AGMO: variants seen among roughly 807,000 people sequenced by gnomAD.
AGMO encodes the protein alkylglycerol monooxygenase, also known as glyceryl-ether monooxygenase.
AGMO carries 75 observed loss-of-function variants against 60.2 expected under a neutral mutation model. The observed-to-expected ratio is 1.25, with a 90% CI of 1.03 to 1.51. The LOEUF is 1.51. Ranked by LOEUF, AGMO falls within the 40% of genes most tolerant of loss-of-function variation. AGMO has a pLI of 0.00. For synonymous variants in AGMO, 261 were observed against 177.1 expected (o/e 1.47, Z -3.76); for missense variants, 763 against 525.5 (o/e 1.45, Z -4.42).
intron 3 of AGMO, among the ~76,000 whole-genome samples, chr7:15,514,688 T>C (rs1299116737): frequency 2.6e-5 from 4 of 152,250 alleles, no homozygotes; most frequent in Non-Finnish European, 5.9e-5. Flanking sequence ...TATGCATAAC[T>C]ACTTAATGTC....
At chr7:15,414,189 T>G (rs10479950) in intron 5 of AGMO, among the ~76,000 whole-genome samples, 1 of 151,348 alleles carries the variant, frequency 6.6e-6, no homozygotes, top group African/African-American at 2.4e-5. Context: ...TTTGTAGAGA[T>G]GGGGTTTCAT....
At chr7:15,252,550 A>C (rs1307568863) in intron 12 of AGMO, among the ~76,000 whole-genome samples, 1 of 152,104 alleles carries the variant, frequency 6.6e-6, no homozygotes, top group African/African-American at 2.4e-5. Context: ...AGAGGCTCTC[A>C]CTCTAATCCT....
chr7:15,441,918 CT>C (rs1189380836), intron 3 of AGMO, among the ~76,000 whole-genome samples: 4 of 152,176 alleles, frequency 2.6e-5, no homozygotes, highest in African/African-American at 9.6e-5. Flanking sequence ...TATATTACCC[CT>C]GTCAACAAAA....
intron 12 of AGMO, 117 bp downstream of exon 12, chr7:15,365,397 A>AAAAAAAAAAAAAAAAAAAAATAT: frequency 2.1e-6 from 1 of 486,326 alleles, no homozygotes. Flanking sequence ...AAAAAAAAAG[A>AAAAAAAAAAAAAAAAAAAAATAT]TCAAGATTTC....
chr7:15,448,611 A>ATTTTTTTTTTTTTTTTTTTTTTTTTTTT (rs11330514), intron 3 of AGMO, among the ~76,000 whole-genome samples: 1 of 131,164 alleles, frequency 7.6e-6, no homozygotes, highest in Non-Finnish European at 1.7e-5. Flanking sequence ...ATAAAGTTTA[A>ATTTTTTTTTTTTTTTTTTTTTTTTTTTT]TTTTTTTTTT....
At chr7:15,403,126 G>C (rs1784598372) in intron 5 of AGMO, among the ~76,000 whole-genome samples, 1 of 151,870 alleles carries the variant, frequency 6.6e-6, no homozygotes, top group African/African-American at 2.4e-5. Context: ...TCGCAGTAGA[G>C]ATATTTGAAT....
the AGMO span, among the ~76,000 whole-genome samples, chr7:15,177,432 C>T: frequency 3.3e-5 from 5 of 152,054 alleles, no homozygotes; most frequent in African/African-American, 7.2e-5. Context: ...GAAGCAAATG[C>T]TCTTGCTGTT....
At chr7:15,188,107 G>A in the AGMO span, among the ~76,000 whole-genome samples, 1 of 152,092 alleles carries the variant, frequency 6.6e-6, no homozygotes, top group African/African-American at 2.4e-5. Flanking sequence ...TGGCCACTTG[G>A]GTAGACTGGT....
chr7:15,324,018 G>T (rs1401706350), intron 12 of AGMO, among the ~76,000 whole-genome samples: 1 of 152,162 alleles, frequency 6.6e-6, no homozygotes, highest in African/African-American at 2.4e-5. Flanking sequence ...GTATTAAAGT[G>T]CATATTTATG....
chr7:15,551,402 T>A (rs1315170709), intron 2 of AGMO, among the ~76,000 whole-genome samples: 1 of 149,108 alleles, frequency 6.7e-6, no homozygotes, highest in Non-Finnish European at 1.5e-5. Flanking sequence ...ACGACATGAT[T>A]GTATATCTAG....
chr7:15,207,709 C>T lies in AGMO; in HGVS notation c.1264-6350G>A, dbSNP rs943327614. ...CAACACTTTGGGAGACCAAGGTGGG[C>T]AGATCACGAGGTCAGGAGATCGAGA... On this transcript the variant is annotated intron_variant, in intron 12 of 12. Coordinates refer to ENST00000342526, the MANE Select transcript of AGMO (RefSeq NM_001004320.2). Among the ~76,000 whole-genome samples the T allele has an allele frequency of 5.9e-5, 9 of 152,214 alleles. No homozygotes were observed. In the East Asian group the frequency reaches 1.7e-3, roughly 29 times the overall value.
At chr7:15,447,691 C>G (rs932375281) in intron 3 of AGMO, among the ~76,000 whole-genome samples, 1 of 152,080 alleles carries the variant, frequency 6.6e-6, no homozygotes, top group Admixed American at 6.5e-5. Flanking sequence ...GCTGGGACTA[C>G]AGACACACGC....
intron 6 of AGMO, among the ~76,000 whole-genome samples, 197 bp from the exon 7 acceptor site, chr7:15,391,102 A>T (rs1469986987): frequency 1.3e-5 from 2 of 152,104 alleles, no homozygotes; most frequent in African/African-American, 4.8e-5. Context: ...TAATTATACT[A>T]AAAAGGGGAA....
At chr7:15,325,028 A>G (rs186836912) in intron 12 of AGMO, among the ~76,000 whole-genome samples, 1 of 152,346 alleles carries the variant, frequency 6.6e-6, no homozygotes, top group Admixed American at 6.5e-5. Flanking sequence ...TAAAAAATTC[A>G]AATACCTAAC....
chr7:15,532,311 A>T (rs1330605640), intron 3 of AGMO, among the ~76,000 whole-genome samples: 3 of 152,328 alleles, frequency 2.0e-5, no homozygotes, highest in Non-Finnish European at 2.9e-5. Flanking sequence ...TAGTAGGGTC[A>T]AGAAACGGCA....
rs188585249 is a variant in AGMO at position 15,310,241 on chromosome 7, A to T, written c.1263+55273T>A. On this transcript the variant is annotated intron_variant, in intron 12 of 12. Transcript: ENST00000342526. The stretch of plus-strand genomic sequence containing the variant: ...ATGCAAAAGTGCTCAAAAAAATCAC[A>T]TGTAGTAAATGATCAAAGCTGTGGT... Among the ~76,000 whole-genome samples, 702 of 152,300 alleles carry T rather than the reference A, an allele frequency of 4.6e-3. 8 individuals carry two copies. The highest frequency in any genetic ancestry group is 0.016 in the African/African-American group (658 of 41,566).
rs886215917 is a variant in AGMO at position 15,390,845 on chromosome 7, A to G, written c.737T>C (p.Ile246Thr). The G allele has an allele frequency of 6.2e-7, 1 of 1,604,800 alleles. No individual in the cohort carries two copies. The highest frequency in any genetic ancestry group is 2.2e-5 in the East Asian group (1 of 44,558). Residue 246 changes from isoleucine to threonine, a missense_variant, in exon 7 of 13, where the codon ATT (isoleucine) becomes ACT (threonine). Physicochemically the swap from Ile to Thr is moderately conservative, Grantham distance 89 (BLOSUM62 -1). Coordinates refer to ENST00000342526, the MANE Select transcript of AGMO (RefSeq NM_001004320.2). ...TTTTAATACATTTTACTTACCAAAAATTTTATCCCAAATAATAAGAACACC... is the reference window on the plus strand; with the variant it reads ...TTTTAATACATTTTACTTACCAAAAGTTTTATCCCAAATAATAAGAACACC... ...YAGVLIIWDK[I>T]FGTFEAENEK...
chr7:15,560,251 A>G lies in AGMO; in HGVS notation c.147T>C (p.Ser49=). 6.2e-7 allele frequency: 1 copy of G among 1,612,638 alleles called. No homozygotes were observed. The highest frequency in any genetic ancestry group is 8.5e-7 in the Non-Finnish European group (1 of 1,178,960). ...TGACAACAAGTTCAAGCAGCATCAAAGAAATGAAAAATGGAGTTGCCTGGA... is the reference window on the plus strand; with the variant it reads ...TGACAACAAGTTCAAGCAGCATCAAGGAAATGAAAAATGGAGTTGCCTGGA... ...YVKKATPFFI[S]LMLLELVVSW... Residue 49 remains serine (S), a synonymous_variant, in exon 2 of 13, where the codon TCT becomes TCC. Transcript: ENST00000342526.
At chr7:15,463,428 T>C (rs889827234) in intron 3 of AGMO, among the ~76,000 whole-genome samples, 1 of 152,112 alleles carries the variant, frequency 6.6e-6, no homozygotes, top group Non-Finnish European at 1.5e-5. Context: ...AGAACCTCTC[T>C]TACACACTCA....
Sources: gnomAD v4.1 joint callset for allele counts (sites outside exome capture counted in the v4.1 genomes callset) on GRCh38, gnomAD v4.1.1 for gene constraint, MANE v1.5 for transcripts, NCBI Gene and HGNC (gene_info 2026-07-23, HGNC 2026-07-21) for gene names.